NEBL: variants seen among roughly 807,000 people sequenced by gnomAD.
NEBL encodes LIM and SH3 protein 2.
Under a neutral mutation model 140.2 loss-of-function variants are expected in NEBL, and 122 were observed. The observed-to-expected ratio is 0.87, with a 90% CI of 0.75 to 1.01. The LOEUF (loss-of-function observed/expected upper bound fraction) is 1.01, where lower values mean the gene tolerates loss of function less well. Ranked by LOEUF, NEBL falls within the 50% of genes least tolerant of loss-of-function variation. The pLI is 0.00. For synonymous variants in NEBL, 436 were observed against 398.9 expected (o/e 1.09, Z -1.11); for missense variants, 1,365 against 1,231.3 (o/e 1.11, Z -1.62).
intron 11 of NEBL, among the ~76,000 whole-genome samples, chr10:20,847,634 G>A (rs1438749695): frequency 1.3e-4 from 20 of 152,098 alleles, no homozygotes; most frequent in Admixed American, 1.3e-3. Context: ...GGGGGTAAAG[G>A]GAAAGGGGCA....
chr10:21,274,036 A>G (rs1462231066), intron 1 of NEBL, among the ~76,000 whole-genome samples: 1 of 152,196 alleles, frequency 6.6e-6, no homozygotes, highest in Non-Finnish European at 1.5e-5. Context: ...GAATATGGCA[A>G]TGCTGAGGGG....
intron 4 of NEBL, among the ~76,000 whole-genome samples, chr10:20,926,674 C>T (rs1404914164): frequency 6.6e-6 from 1 of 152,166 alleles, no homozygotes; most frequent in African/African-American, 2.4e-5. Context: ...TTCATGTGAG[C>T]TGAGCGGGTG....
intron 3 of NEBL, among the ~76,000 whole-genome samples, chr10:21,189,329 G>A (rs1841532878): frequency 6.6e-6 from 1 of 152,114 alleles, no homozygotes; most frequent in Admixed American, 6.6e-5. Context: ...ACAAGCCAAG[G>A]AATGCTGACA....
intron 2 of NEBL, among the ~76,000 whole-genome samples, chr10:20,893,471 T>C (rs1241209334): frequency 6.6e-6 from 1 of 151,986 alleles, no homozygotes; most frequent in African/African-American, 2.4e-5. Flanking sequence ...AGGAACCCCA[T>C]AATGTGGGTA....
intron 1 of NEBL, among the ~76,000 whole-genome samples, chr10:21,280,698 T>C (rs1842982977): frequency 8.2e-6 from 1 of 121,558 alleles, no homozygotes; most frequent in African/African-American, 3.1e-5. Flanking sequence ...CACTGTAACC[T>C]CCACCTCCCA....
At chr10:21,227,785 CTCTTCT>C (rs1842189353) in intron 3 of NEBL, among the ~76,000 whole-genome samples, 1 of 130,370 alleles carries the variant, frequency 7.7e-6, no homozygotes, top group African/African-American at 2.9e-5. Flanking sequence ...CTTCTTCTTT[CTCTTCT>C]TTCTTCTTCT....
Position 20,781,612 on chromosome 10 carries a change from G to T in NEBL, c.*4135C>A, listed in dbSNP as rs1314588131. On this transcript the variant is annotated 3_prime_UTR_variant, in exon 28 of 28. Coordinates refer to ENST00000377122, the MANE Select transcript of NEBL (RefSeq NM_006393.3). ...ACAAAAAATCCTATGGCATTCCCAG[G>T]AATATACTGAAGTCATACAGACAAC... is the stretch of plus-strand genomic sequence containing the variant. 6.6e-6 allele frequency: 1 copy of T among 152,218 alleles called. No homozygotes were observed. The highest frequency in any genetic ancestry group is 2.4e-5 in the African/African-American group (1 of 41,438). 9.4% of individuals were successfully genotyped at this position (152,218 alleles called of 1,614,324 possible). A position where few individuals can be genotyped will look rare whatever the true frequency, so the allele number is the denominator to read the frequency against.
chr10:21,214,239 A>G (rs1366435920), intron 3 of NEBL, among the ~76,000 whole-genome samples: 4 of 151,886 alleles, frequency 2.6e-5, no homozygotes, highest in Admixed American at 6.6e-5. Context: ...AGTGCTTTCT[A>G]TCTTATGTTT....
chr10:21,030,253 G>A (rs1248692124), intron 2 of NEBL: 8 of 583,376 alleles, frequency 1.4e-5, no homozygotes, highest in Admixed American at 2.4e-5. Context: ...CCCAGGAACC[G>A]GAGAGGCACC....
chr10:21,197,217 A>G (rs1841667075), intron 3 of NEBL, among the ~76,000 whole-genome samples: 1 of 152,238 alleles, frequency 6.6e-6, no homozygotes, highest in Non-Finnish European at 1.5e-5. Context: ...GAGGTTGTTT[A>G]AACATACAGA....
intron 4 of NEBL, among the ~76,000 whole-genome samples, chr10:20,933,455 C>T (rs986376024): frequency 2.0e-5 from 3 of 152,140 alleles, no homozygotes; most frequent in South Asian, 2.1e-4. Context: ...AGAAGAAGGC[C>T]GGGTGCGGTG....
intron 25 of NEBL, among the ~76,000 whole-genome samples, chr10:20,808,915 A>C (rs949367799): frequency 1.3e-5 from 2 of 152,222 alleles, no homozygotes; most frequent in Non-Finnish European, 2.9e-5. Context: ...TGACAAGGAC[A>C]AAGAAAACAT....
At chr10:20,874,263 A>G (rs893269958) in intron 5 of NEBL, among the ~76,000 whole-genome samples, 3 of 152,146 alleles carry the variant, frequency 2.0e-5, no homozygotes, top group Non-Finnish European at 4.4e-5. Flanking sequence ...CAGCTCCCCC[A>G]TCACTCCATG....
chr10:20,981,065 T>C (rs931551615), intron 3 of NEBL, among the ~76,000 whole-genome samples: 5 of 152,102 alleles, frequency 3.3e-5, no homozygotes, highest in Admixed American at 2.0e-4. Flanking sequence ...GCAGTGATTA[T>C]AGGCATAAGC....
chr10:20,995,435 A>T (rs1402984678), intron 3 of NEBL, among the ~76,000 whole-genome samples: 1 of 152,142 alleles, frequency 6.6e-6, no homozygotes, highest in East Asian at 1.9e-4. Context: ...GCTGCCACAT[A>T]CAAGGAAAAA....
At chr10:21,010,506 G>C (rs78288227) in intron 3 of NEBL, among the ~76,000 whole-genome samples, 2,734 of 149,108 alleles carry the variant, frequency 0.018, 79 homozygotes, top group African/African-American at 0.064. Flanking sequence ...CTCCCACCTC[G>C]AACTCCCAAA....
At chr10:21,183,208 G>A (rs560709742) in intron 3 of NEBL, among the ~76,000 whole-genome samples, 1 of 152,168 alleles carries the variant, frequency 6.6e-6, no homozygotes, top group East Asian at 1.9e-4. Flanking sequence ...CAGCATGAAC[G>A]AGAGAGAAAT....
intron 26 of NEBL, among the ~76,000 whole-genome samples, chr10:20,791,842 C>T (rs142700931): frequency 1.3e-4 from 20 of 152,222 alleles, no homozygotes; most frequent in Admixed American, 1.1e-3. Context: ...GGGGGATGTA[C>T]GCAGAGTGCG....
At chr10:20,999,669 G>A (rs1333596865) in intron 3 of NEBL, among the ~76,000 whole-genome samples, 1 of 151,806 alleles carries the variant, frequency 6.6e-6, no homozygotes. Context: ...ATATACCCAG[G>A]GTTGTAAAAG....
Sources: gnomAD v4.1 joint callset for allele counts (sites outside exome capture counted in the v4.1 genomes callset) on GRCh38, gnomAD v4.1.1 for gene constraint, MANE v1.5 for transcripts, NCBI Gene and HGNC (gene_info 2026-07-23, HGNC 2026-07-21) for gene names.